TBC1D22A: variants seen among roughly 807,000 people sequenced by gnomAD.
The protein encoded by TBC1D22A is TBC1 domain family member 22A, also known as putative GTPase activator.
In TBC1D22A, 38 loss-of-function variants were observed where a neutral mutation model predicts 60.2. The ratio of observed to expected loss-of-function variants is 0.63; its 90% CI spans 0.49 to 0.83. The LOEUF is 0.83. Among genes scored for constraint, TBC1D22A ranks in the 40% least tolerant of loss-of-function variants. TBC1D22A has a pLI of 0.00. For synonymous variants in TBC1D22A, 302 were observed against 281.7 expected (o/e 1.07, Z -0.72); for missense variants, 628 against 701.0 (o/e 0.90, Z 1.18).
intron 7 of TBC1D22A, among the ~76,000 whole-genome samples, chr22:46,896,592 A>G (rs738932): frequency 0.69 from 105,477 of 151,960 alleles, 37,026 homozygotes; most frequent in Middle Eastern, 0.86. Context: ...GGTCCAGCTC[A>G]TCTCCCATAT....
intron 11 of TBC1D22A, among the ~76,000 whole-genome samples, chr22:47,077,422 C>T (rs1305937127): frequency 6.6e-6 from 1 of 152,204 alleles, no homozygotes; most frequent in African/African-American, 2.4e-5. Flanking sequence ...GTTGCTGTGG[C>T]TCCAGAGTTG....
At chr22:47,080,455 T>C (rs2064416468) in intron 11 of TBC1D22A, among the ~76,000 whole-genome samples, 1 of 152,194 alleles carries the variant, frequency 6.6e-6, no homozygotes, top group African/African-American at 2.4e-5. Flanking sequence ...AAGATAAAAA[T>C]CTCAAAAATT....
intron 7 of TBC1D22A, among the ~76,000 whole-genome samples, chr22:46,899,563 C>T (rs1430567533): frequency 6.6e-6 from 1 of 152,190 alleles, no homozygotes; most frequent in Non-Finnish European, 1.5e-5. Flanking sequence ...TGGCAAATCC[C>T]GAATGTGCCT....
intron 9 of TBC1D22A, among the ~76,000 whole-genome samples, chr22:46,976,480 G>A (rs1299089736): frequency 1.3e-5 from 2 of 152,180 alleles, no homozygotes; most frequent in African/African-American, 4.8e-5. Flanking sequence ...AGCTCCTCTA[G>A]CGACTAGTGT....
At chr22:47,006,787 T>C (rs2061606990) in intron 10 of TBC1D22A, among the ~76,000 whole-genome samples, 1 of 152,210 alleles carries the variant, frequency 6.6e-6, no homozygotes, top group African/African-American at 2.4e-5. Context: ...TCCTGACTGT[T>C]CCTTTGTCTA....
At chr22:47,057,397 G>C (rs534897806) in intron 11 of TBC1D22A, among the ~76,000 whole-genome samples, 2 of 152,350 alleles carry the variant, frequency 1.3e-5, no homozygotes, top group African/African-American at 4.8e-5. Context: ...TCCAGGTGCA[G>C]GGAACCAGGG....
intron 11 of TBC1D22A, among the ~76,000 whole-genome samples, chr22:47,052,876 G>A (rs781073056): frequency 1.3e-5 from 2 of 152,216 alleles, no homozygotes; most frequent in South Asian, 2.1e-4. Flanking sequence ...CTGCCACATG[G>A]CTGGCCCTCT....
intron 5 of TBC1D22A, among the ~76,000 whole-genome samples, chr22:46,882,312 C>T (rs1707209995): frequency 6.6e-6 from 1 of 152,072 alleles, no homozygotes; most frequent in African/African-American, 2.4e-5. Flanking sequence ...TCAGGCCTGC[C>T]TTCTTCACCT....
rs527644706 is a variant in TBC1D22A, at chr22:47,144,958, C to T, written c.1426-28540C>T. Among the ~76,000 whole-genome samples, 13 of 152,346 alleles carry T rather than the reference C, an allele frequency of 8.5e-5. No individual in the cohort carries two copies. The South Asian group carries it at 1.9e-3, about 22-fold the overall frequency. On this transcript the variant is annotated intron_variant, in intron 12 of 12. Transcript: ENST00000337137. ...TCTTGGGGTCTGGAGGCGGCTGAGC[C>T]GTTTGGTGCCGCTGGACCAGAGCCA... is the stretch of plus-strand genomic sequence containing the variant.
At chr22:46,774,376 A>C in intron 1 of TBC1D22A, 1 of 474,578 alleles carries the variant, frequency 2.1e-6, no homozygotes, top group Non-Finnish European at 2.8e-6. Flanking sequence ...CATTTTGAGT[A>C]TCCCCAGACT....
At chr22:47,086,068 T>C (rs1164650544) in intron 11 of TBC1D22A, among the ~76,000 whole-genome samples, 1 of 152,248 alleles carries the variant, frequency 6.6e-6, no homozygotes, top group African/African-American at 2.4e-5. Flanking sequence ...GAAATGTCAG[T>C]TGACTGTGGT....
chr22:46,847,391 C>T (rs978782538), intron 4 of TBC1D22A, among the ~76,000 whole-genome samples: 11 of 152,230 alleles, frequency 7.2e-5, no homozygotes, highest in African/African-American at 2.2e-4. Flanking sequence ...CTGCCCTAGA[C>T]GTACCCAGTA....
chr22:46,911,057 G>A (rs904595398), intron 7 of TBC1D22A, among the ~76,000 whole-genome samples: 2 of 152,136 alleles, frequency 1.3e-5, no homozygotes, highest in Admixed American at 6.5e-5. Context: ...TGAGGAGCAT[G>A]CAGAGGTCTT....
intron 1 of TBC1D22A, chr22:46,774,079 C>T (rs888753250): frequency 2.3e-5 from 23 of 985,460 alleles, no homozygotes; most frequent in South Asian, 1.4e-4. Flanking sequence ...GTGTTCCTCC[C>T]GCCCCCGCAC....
At chr22:47,054,779 C>T (rs894635924) in intron 11 of TBC1D22A, among the ~76,000 whole-genome samples, 1 of 152,148 alleles carries the variant, frequency 6.6e-6, no homozygotes, top group Non-Finnish European at 1.5e-5. Flanking sequence ...ATTGTGTACA[C>T]GTAGAAGTTG....
chr22:46,881,305 C>A (rs905463661), intron 5 of TBC1D22A, among the ~76,000 whole-genome samples: 1 of 152,110 alleles, frequency 6.6e-6, no homozygotes, highest in Admixed American at 6.5e-5. Flanking sequence ...GGCACTGTGT[C>A]GGGTGCTGGG....
At chr22:46,946,956 C>T (rs2072585198) in intron 8 of TBC1D22A, among the ~76,000 whole-genome samples, 3 of 152,138 alleles carry the variant, frequency 2.0e-5, no homozygotes, top group African/African-American at 7.2e-5. Context: ...GTTTGTAGTA[C>T]AGTCCAGTTG....
At chr22:46,825,455 G>T (rs1317209162) in intron 4 of TBC1D22A, among the ~76,000 whole-genome samples, 1 of 152,040 alleles carries the variant, frequency 6.6e-6, no homozygotes, top group Non-Finnish European at 1.5e-5. Context: ...ATACCCACTT[G>T]CCAAAAAAGA....
intron 7 of TBC1D22A, among the ~76,000 whole-genome samples, chr22:46,895,864 C>T (rs2068648427): frequency 2.0e-5 from 3 of 152,164 alleles, no homozygotes; most frequent in Non-Finnish European, 4.4e-5. Flanking sequence ...GGCAAGATTT[C>T]TCTAAGGCTT....
Sources: gnomAD v4.1 joint callset for allele counts (sites outside exome capture counted in the v4.1 genomes callset) on GRCh38, gnomAD v4.1.1 for gene constraint, MANE v1.5 for transcripts, NCBI Gene and HGNC (gene_info 2026-07-23, HGNC 2026-07-21) for gene names.